ETS1: variants seen among roughly 807,000 people sequenced by gnomAD.
ETS1 encodes the protein ETS proto-oncogene 1, transcription factor.
A neutral mutation model predicts 58.6 loss-of-function variants in ETS1; 15 were observed. That is an observed-to-expected ratio of 0.26 (90% CI 0.17 to 0.39). The LOEUF is 0.39. ETS1 is among the 10% of genes least tolerant of loss of function. ETS1 has a pLI of 1.00. For missense variants in ETS1, 417 were observed against 610.5 expected (o/e 0.68, Z 3.34); for synonymous variants, 214 against 218.2 (o/e 0.98, Z 0.17).
At chr11:128,505,573 C>T (rs1222052814) in intron 3 of ETS1, among the ~76,000 whole-genome samples, 2 of 152,248 alleles carry the variant, frequency 1.3e-5, no homozygotes, top group Middle Eastern at 3.4e-3. Flanking sequence ...CCCAGAGTCT[C>T]GCCCACACGG....
chr11:128,489,238 T>G (rs1294682848), intron 5 of ETS1, 52 bp downstream of exon 5: 2 of 1,530,116 alleles, frequency 1.3e-6, no homozygotes, highest in Non-Finnish European at 1.8e-6. Context: ...CCCTACCTAC[T>G]CTCACAGCAA....
chr11:128,529,179 C>A (rs1322069371), intron 3 of ETS1: 1 of 152,206 alleles, frequency 6.6e-6, no homozygotes, highest in African/African-American at 2.4e-5. Context: ...AAAGAATAGA[C>A]TGTTACATGC....
chr11:128,566,517 C>T (rs566968489), intron 2 of ETS1, among the ~76,000 whole-genome samples: 4 of 152,206 alleles, frequency 2.6e-5, no homozygotes, highest in African/African-American at 9.6e-5. Flanking sequence ...GGCGCAGTGG[C>T]TCACACCTGT....
Position 128,549,397 on chromosome 11 carries a change from C to G in ETS1, c.214+6894G>C, listed in dbSNP as rs990166886. 6.6e-6 allele frequency among the ~76,000 whole-genome samples: 1 copy of G among 152,214 alleles called. No individual in the cohort carries two copies. The highest frequency in any genetic ancestry group is 1.5e-5 in the Non-Finnish European group (1 of 68,028). On this transcript the variant is annotated intron_variant, in intron 3 of 9. Coordinates refer to ENST00000392668, the MANE Select transcript of ETS1 (RefSeq NM_001143820.2). The surrounding 1 kb of genome is among the most constrained non-coding windows in gnomAD (Gnocchi z 4.3). ...GCCTGACGCCAGCCGGCGGCGTCCA[C>G]CGTCCCACCCCCGTGCGAGGAGTTC...
chr11:128,563,428 G>C (rs1035710046), intron 2 of ETS1, among the ~76,000 whole-genome samples: 1 of 152,172 alleles, frequency 6.6e-6, no homozygotes, highest in Non-Finnish European at 1.5e-5. Context: ...AAATCAAGCA[G>C]CCTGGGTTCA....
Position 128,582,601 on chromosome 11 carries a change from A to C in ETS1, c.-15+4887T>G, listed in dbSNP as rs146871576. Among the ~76,000 whole-genome samples, 6 of 152,294 alleles carry C rather than the reference A, an allele frequency of 3.9e-5. No homozygotes were observed. The East Asian group carries it at 1.2e-3, about 29-fold the overall frequency. On this transcript the variant is annotated intron_variant, in intron 1 of 9. Coordinates refer to ENST00000392668, the MANE Select transcript of ETS1 (RefSeq NM_001143820.2). Reference sequence around the variant, plus strand: ...GCTAAATCTCTCATCTCTTTTTCTAAAGACTTGTATTCAAGTCATGAAAAC... The same window carrying C: ...GCTAAATCTCTCATCTCTTTTTCTACAGACTTGTATTCAAGTCATGAAAAC...
intron 3 of ETS1, among the ~76,000 whole-genome samples, chr11:128,540,348 G>T (rs984253969): frequency 6.9e-6 from 1 of 144,456 alleles, no homozygotes; most frequent in African/African-American, 2.5e-5. Context: ...AGAAGAAGAA[G>T]AAAAATGTTC....
intron 1 of ETS1, among the ~76,000 whole-genome samples, chr11:128,577,677 C>A (rs1324216082): frequency 6.6e-6 from 1 of 152,204 alleles, no homozygotes; most frequent in East Asian, 1.9e-4. Flanking sequence ...GACTCCTGGT[C>A]TTCAGCCTCC....
At chr11:128,485,695 C>T (rs755692593) in intron 6 of ETS1, among the ~76,000 whole-genome samples, 1 of 152,136 alleles carries the variant, frequency 6.6e-6, no homozygotes, top group Non-Finnish European at 1.5e-5. Context: ...CTGTTATCTC[C>T]ACTAGTAAAA....
At chr11:128,537,586 C>T (rs75872699) in intron 3 of ETS1, among the ~76,000 whole-genome samples, 1 of 152,260 alleles carries the variant, frequency 6.6e-6, no homozygotes, top group East Asian at 1.9e-4. Context: ...GAAATAAACT[C>T]CTGCACCCAA....
Position 128,529,087 on chromosome 11 carries a change from T to C in ETS1, c.214+27204A>G, listed in dbSNP as rs570209962. The stretch of plus-strand genomic sequence containing the variant: ...TTTATTTCACTGGCTTCCACAAAGG[T>C]AAGATGTACAACTGCTATATACATT... On this transcript the variant is annotated intron_variant, in intron 3 of 9. Coordinates refer to ENST00000392668, the MANE Select transcript of ETS1 (RefSeq NM_001143820.2). 5.9e-5 allele frequency: 9 copies of C among 152,330 alleles called. No individual in the cohort carries two copies. The East Asian group carries it at 1.7e-3, about 29-fold the overall frequency. The allele number at this position is 152,330 out of a possible 1,614,324, so 9.4% of individuals were successfully genotyped here. A position where few individuals can be genotyped will look rare whatever the true frequency, so the allele number is the denominator to read the frequency against.
chr11:128,500,286 T>A (rs1020388957), intron 3 of ETS1, among the ~76,000 whole-genome samples: 5 of 152,076 alleles, frequency 3.3e-5, no homozygotes, highest in Non-Finnish European at 1.5e-5. Flanking sequence ...GAATGCAGAG[T>A]GGCAATGGCC....
In ETS1 at chr11:128,537,721, T is replaced by C. The variant is rs1423834759; in HGVS notation, c.214+18570A>G. Among the ~76,000 whole-genome samples, 2 of 152,164 alleles carry C rather than the reference T, an allele frequency of 1.3e-5. 1 individual carries two copies. Among genetic ancestry groups the C allele is most frequent in the Admixed American group, 1.3e-4 (2 of 15,274 alleles). On this transcript the variant is annotated intron_variant, in intron 3 of 9. Coordinates refer to ENST00000392668, the MANE Select transcript of ETS1 (RefSeq NM_001143820.2). ...AATTGTGCTTTTTTTTTACCACTTATACGTGTATATTGGAATTCTGTAATA... is the reference window on the plus strand; with the variant it reads ...AATTGTGCTTTTTTTTTACCACTTACACGTGTATATTGGAATTCTGTAATA...
At position 128,461,924 on chromosome 11, in the gene ETS1, T is replaced by C. The variant is rs1047134797; in HGVS notation, c.*437A>G. 1 of 155,716 alleles carries C rather than the reference T, an allele frequency of 6.4e-6. No homozygotes were observed. The highest frequency in any genetic ancestry group is 2.0e-4 in the South Asian group (1 of 5,086). The allele number at this position is 155,716 out of a possible 1,614,324, so 9.6% of individuals were successfully genotyped here. On this transcript the variant is annotated 3_prime_UTR_variant, in exon 10 of 10. Coordinates refer to ENST00000392668, the MANE Select transcript of ETS1 (RefSeq NM_001143820.2). The stretch of plus-strand genomic sequence containing the variant: ...AAACATGTTTCATCCCACCCACCTC[T>C]TTTTTGCCCTCCCAGACCTAAAAAC...
chr11:128,495,849 G>GT (rs1391808213), intron 3 of ETS1, among the ~76,000 whole-genome samples: 4 of 152,174 alleles, frequency 2.6e-5, no homozygotes, highest in Non-Finnish European at 2.9e-5. Flanking sequence ...TTGAAAAGAG[G>GT]TCTGTTCATA....
chr11:128,585,003 G>A (rs569351619), intron 1 of ETS1, among the ~76,000 whole-genome samples: 1 of 36,336 alleles, frequency 2.8e-5, no homozygotes, highest in Non-Finnish European at 4.6e-5. Context: ...AGGAAGGAAG[G>A]AAAGAAAGGA....
intron 8 of ETS1, 83 bp downstream of exon 8, chr11:128,480,108 G>C: frequency 6.4e-7 from 1 of 1,559,578 alleles, no homozygotes; most frequent in Non-Finnish European, 8.7e-7. Flanking sequence ...GTCGTCTCTG[G>C]TCAGAGGTGC....
At chr11:128,521,032 T>A (rs3935796) in intron 3 of ETS1, among the ~76,000 whole-genome samples, 8,447 of 152,092 alleles carry the variant, frequency 0.056, 256 homozygotes, top group South Asian at 0.066. Flanking sequence ...CAGTGCCTTA[T>A]CCTAAAAGAA....
chr11:128,498,383 T>C (rs1261513238), intron 3 of ETS1, among the ~76,000 whole-genome samples: 1 of 152,202 alleles, frequency 6.6e-6, no homozygotes, highest in Non-Finnish European at 1.5e-5. Flanking sequence ...GAGATATAAA[T>C]GGAAATTGAC....
Sources: allele counts gnomAD v4.1 joint callset (sites outside exome capture counted in the v4.1 genomes callset), GRCh38; gene constraint gnomAD v4.1.1; non-coding constraint Gnocchi (gnomAD v3.1); transcripts MANE v1.5; gene names NCBI Gene and HGNC (gene_info 2026-07-23, HGNC 2026-07-21).